PARL: variants seen among roughly 807,000 people sequenced by gnomAD.
The protein encoded by PARL is presenilin-associated rhomboid-like protein, mitochondrial.
A neutral mutation model predicts 51.6 loss-of-function variants in PARL; 44 were observed. The ratio of observed to expected loss-of-function variants is 0.85; its 90% confidence interval spans 0.67 to 1.10. The LOEUF (loss-of-function observed/expected upper bound fraction) is 1.10, where lower values mean the gene tolerates loss of function less well. PARL is among the 50% of genes least tolerant of loss of function. The pLI is 0.00. For missense variants in PARL, 441 were observed against 469.5 expected (o/e 0.94, Z 0.56); for synonymous variants, 172 against 164.0 (o/e 1.05, Z -0.37).
chr3:183,842,583 G>A, intron 5 of PARL, 136 bp from the exon 6 acceptor site: 1 of 733,966 alleles, frequency 1.4e-6, no homozygotes. Context: ...GCCAAGGCAG[G>A]CGGATCACTA....
At chr3:183,827,471 G>A (rs758054411), downstream of PARL, among the ~76,000 whole-genome samples, 10 of 151,984 alleles carry the variant, frequency 6.6e-5, no homozygotes, top group Non-Finnish European at 1.2e-4. Context: ...TTTTTCACAG[G>A]TGACAACAAA....
chr3:183,851,818 T>C (rs892449843), intron 4 of PARL, among the ~76,000 whole-genome samples: 2 of 151,878 alleles, frequency 1.3e-5, no homozygotes, highest in Non-Finnish European at 1.5e-5. Context: ...ACTAGCAAAA[T>C]GGAAATCAAA....
chr3:183,851,056 T>C (rs563437071), intron 4 of PARL, among the ~76,000 whole-genome samples: 2 of 152,308 alleles, frequency 1.3e-5, no homozygotes, highest in Non-Finnish European at 2.9e-5. Flanking sequence ...GGGGAAAGAA[T>C]AGTCTTGTCA....
chr3:183,855,971 C>CAAA (rs576215027), intron 4 of PARL, among the ~76,000 whole-genome samples: 5 of 145,004 alleles, frequency 3.4e-5, no homozygotes, highest in African/African-American at 1.3e-4. Context: ...AATAAACAAA[C>CAAA]AAAAAAAAAA....
At chr3:183,841,709 T>A (rs1230352645) in intron 6 of PARL, among the ~76,000 whole-genome samples, 1 of 152,236 alleles carries the variant, frequency 6.6e-6, no homozygotes, top group Non-Finnish European at 1.5e-5. Flanking sequence ...TCTAGGGACC[T>A]GGATTCATGC....
At chr3:183,882,987 G>A (rs907474477) in intron 1 of PARL, among the ~76,000 whole-genome samples, 2 of 152,098 alleles carry the variant, frequency 1.3e-5, no homozygotes, top group African/African-American at 2.4e-5. Context: ...TATTACCAGA[G>A]GCAAATGCTC....
At chr3:183,855,982 A>C (rs1282793921) in intron 4 of PARL, among the ~76,000 whole-genome samples, 4 of 150,968 alleles carry the variant, frequency 2.6e-5, no homozygotes, top group Non-Finnish European at 5.9e-5. Flanking sequence ...AAAAAAAAAA[A>C]CAAAAAAAAC....
chr3:183,826,884 G>C (rs1727452188), downstream of PARL: 1 of 610,284 alleles, frequency 1.6e-6, no homozygotes, highest in Admixed American at 6.3e-5. Flanking sequence ...TTACTTCATT[G>C]ATCAAACAAC....
At chr3:183,876,501 C>T (rs1733823829) in intron 1 of PARL, among the ~76,000 whole-genome samples, 1 of 150,974 alleles carries the variant, frequency 6.6e-6, no homozygotes, top group Admixed American at 6.6e-5. Context: ...TGCCTGCTAA[C>T]ACAATGTCCA....
intron 1 of PARL, among the ~76,000 whole-genome samples, chr3:183,881,259 T>C (rs1422711407): frequency 6.6e-6 from 1 of 151,996 alleles, no homozygotes; most frequent in African/African-American, 2.4e-5. Flanking sequence ...GTAGCTGGGA[T>C]TACAGGCCCC....
intron 3 of PARL, among the ~76,000 whole-genome samples, chr3:183,864,701 G>A (rs1025046243): frequency 1.3e-5 from 2 of 151,746 alleles, no homozygotes; most frequent in Non-Finnish European, 2.9e-5. Flanking sequence ...GCGTGAACCC[G>A]GGAGGCAGAG....
At chr3:183,866,935 TG>T (rs1732559173) in intron 2 of PARL, among the ~76,000 whole-genome samples, 170 bp from the exon 3 acceptor site, 1 of 151,776 alleles carries the variant, frequency 6.6e-6, no homozygotes, top group East Asian at 1.9e-4. Context: ...CTTTTTGAGA[TG>T]GAGTTTCACT....
chr3:183,882,172 C>T (rs954313774), intron 1 of PARL, among the ~76,000 whole-genome samples: 2 of 140,514 alleles, frequency 1.4e-5, no homozygotes, highest in Non-Finnish European at 3.0e-5. Context: ...CCACTGCACT[C>T]CAGCCTGGGA....
chr3:183,826,716 A>G (rs1354192903), downstream of PARL: 1 of 985,292 alleles, frequency 1.0e-6, no homozygotes, highest in Non-Finnish European at 1.2e-6. Context: ...GCGAGGCGCC[A>G]GGTGTAGAGG....
Position 183,866,749 on chromosome 3 carries a change from A to T in PARL, c.338T>A (p.Phe113Tyr). The change falls in exon 3 of 10, where the codon TTT becomes TAT. Residue 113 changes from phenylalanine to tyrosine, a missense_variant. Transcript: ENST00000317096. ...ATATTGCCAAATAGCAGCTGATCCA[A>T]ATGCACAGCCTGTAAACTATATAAA... ...FFTVGFTGCA[F>Y]GSAAIWQYES... The T allele has an allele frequency of 1.2e-6, 2 of 1,603,648 alleles. No homozygotes were observed. The highest frequency in any genetic ancestry group is 1.7e-6 in the Non-Finnish European group (2 of 1,170,678).
intron 1 of PARL, among the ~76,000 whole-genome samples, chr3:183,878,222 C>T (rs36066467): frequency 0.05 from 7,587 of 152,132 alleles, 229 homozygotes; most frequent in East Asian, 0.078. Context: ...AGTAGTCTAG[C>T]GGGGGCTTCT....
At chr3:183,878,974 T>C (rs890993238) in intron 1 of PARL, among the ~76,000 whole-genome samples, 10 of 152,214 alleles carry the variant, frequency 6.6e-5, no homozygotes, top group Non-Finnish European at 1.5e-4. Flanking sequence ...ATACCCAAAC[T>C]GCTAGTTCAT....
chr3:183,870,674 AC>A (rs1377013123), intron 1 of PARL, among the ~76,000 whole-genome samples: 1 of 152,124 alleles, frequency 6.6e-6, no homozygotes, highest in East Asian at 1.9e-4. Context: ...CTTGCTTTAA[AC>A]CCCACAATAA....
chr3:183,860,209 A>C lies in PARL; in HGVS notation c.511+2544T>G, dbSNP rs148998796. 6.6e-5 allele frequency among the ~76,000 whole-genome samples: 10 copies of C among 152,380 alleles called. No individual in the cohort carries two copies. The East Asian group carries it at 1.9e-3, about 29-fold the overall frequency. On this transcript the variant is annotated intron_variant, in intron 4 of 9. Transcript: ENST00000317096. ...CTACAAGAAGCAATCAGGAGTGCTC[A>C]GCAAGGAAAGCTGGACTAATTGGCA...
Sources: allele counts gnomAD v4.1 joint callset (sites outside exome capture counted in the v4.1 genomes callset), GRCh38; gene constraint gnomAD v4.1.1; transcripts MANE v1.5; gene names NCBI Gene and HGNC (gene_info 2026-07-23, HGNC 2026-07-21).